Variants in PID1 observed in about 807,000 individuals in gnomAD.
PID1 encodes phosphotyrosine interaction domain containing 1.
PID1 carries 10 observed loss-of-function variants against 19.1 expected under a neutral mutation model. The ratio of observed to expected loss-of-function variants is 0.52; its 90% confidence interval spans 0.32 to 0.89. The LOEUF is 0.89. Ranked by LOEUF, PID1 falls within the 40% of genes least tolerant of loss-of-function variation. The pLI is 0.03. For missense variants in PID1, 248 were observed against 285.3 expected, an observed-to-expected ratio of 0.87 and a Z score of 0.94; for synonymous variants, 130 against 116.0, an observed-to-expected ratio of 1.12 and a Z score of -0.78.
At chr2:229,079,597 G>A (rs1011401922) in intron 2 of PID1, among the ~76,000 whole-genome samples, 4 of 152,194 alleles carry the variant, frequency 2.6e-5, no homozygotes, top group Admixed American at 2.0e-4. Context: ...CACTCAAGAC[G>A]TGCCAGGGAA....
At chr2:229,172,621 A>C (rs534683363) in intron 1 of PID1, among the ~76,000 whole-genome samples, 7 of 152,298 alleles carry the variant, frequency 4.6e-5, no homozygotes, top group African/African-American at 1.4e-4. Context: ...GGCCCACCCT[A>C]ATGATCTCAT....
At chr2:229,047,345 G>A (rs897314287) in intron 2 of PID1, among the ~76,000 whole-genome samples, 21 of 152,180 alleles carry the variant, frequency 1.4e-4, no homozygotes, top group African/African-American at 5.1e-4. Context: ...GGTCTGGACA[G>A]AAAGCCTAGT....
intron 2 of PID1, among the ~76,000 whole-genome samples, chr2:229,042,139 A>C (rs577598105): frequency 6.6e-6 from 1 of 152,356 alleles, no homozygotes; most frequent in East Asian, 1.9e-4. Context: ...TTTTGCTATC[A>C]AACAGTTCAA....
chr2:229,094,424 G>T (rs1197076362), intron 2 of PID1, among the ~76,000 whole-genome samples: 2 of 151,864 alleles, frequency 1.3e-5, no homozygotes, highest in African/African-American at 4.8e-5. Flanking sequence ...ATTTTTAACA[G>T]AATTAGGAAA....
chr2:229,270,750 C>A (rs1690713574), intron 1 of PID1, among the ~76,000 whole-genome samples: 1 of 151,920 alleles, frequency 6.6e-6, no homozygotes, highest in African/African-American at 2.4e-5. Flanking sequence ...AAAGTCCAAC[C>A]TTATATGTAC....
At position 229,102,671 on chromosome 2, in the gene PID1, C is replaced by T. The variant is rs146759805; in HGVS notation, c.177+53147G>A. ...GTGAGGGCTCATTCTCATCAAATCCCTCTGTCATCTTAATAGAACCCTCTA... is the reference window on the plus strand; with the variant it reads ...GTGAGGGCTCATTCTCATCAAATCCTTCTGTCATCTTAATAGAACCCTCTA... On this transcript the variant is annotated intron_variant, in intron 2 of 2. Transcript: ENST00000392055. 4.6e-3 allele frequency among the ~76,000 whole-genome samples: 699 copies of T among 152,288 alleles called. 7 individuals are homozygous for T. Among genetic ancestry groups the T allele is most frequent in the African/African-American group, 0.016 (664 of 41,560 alleles).
intron 1 of PID1, among the ~76,000 whole-genome samples, chr2:229,237,810 A>C (rs1689754751): frequency 6.6e-6 from 1 of 152,220 alleles, no homozygotes; most frequent in Non-Finnish European, 1.5e-5. Context: ...TAAATTCTCA[A>C]TTATTGAAGC....
At position 229,222,503 on chromosome 2, in the gene PID1, A is replaced by C. The variant is rs1161958286; in HGVS notation, c.30+48511T>G. Among the ~76,000 whole-genome samples the C allele has an allele frequency of 2.6e-5, 4 of 152,164 alleles. No individual in the cohort carries two copies. The East Asian group carries it at 7.7e-4, about 29-fold the overall frequency. On this transcript the variant is annotated intron_variant, in intron 1 of 2. Coordinates refer to ENST00000392055, the MANE Select transcript of PID1 (RefSeq NM_001100818.2). ...TACACAGACTGTAAGAGTTAATTTT[A>C]TGTGTCAACTTGACTGGACCACAGG... is the stretch of plus-strand genomic sequence containing the variant.
chr2:229,048,603 T>C (rs928120588), intron 2 of PID1, among the ~76,000 whole-genome samples: 3 of 152,130 alleles, frequency 2.0e-5, no homozygotes, highest in Non-Finnish European at 4.4e-5. Context: ...GGACTGAAAT[T>C]CCATCAGCTC....
chr2:229,190,526 G>T (rs1437265389), intron 1 of PID1, among the ~76,000 whole-genome samples: 1 of 152,228 alleles, frequency 6.6e-6, no homozygotes, highest in African/African-American at 2.4e-5. Flanking sequence ...GAGAGAGGAT[G>T]TGAACATTAA....
chr2:229,105,200 A>T (rs772677633), intron 2 of PID1, among the ~76,000 whole-genome samples: 13 of 152,182 alleles, frequency 8.5e-5, no homozygotes, highest in Admixed American at 3.3e-4. Context: ...ATAGGAAGGA[A>T]TTTCCATGAG....
intron 1 of PID1, among the ~76,000 whole-genome samples, chr2:229,253,674 A>G (rs115056385): frequency 7.8e-4 from 119 of 152,048 alleles, no homozygotes; most frequent in African/African-American, 2.8e-3. Flanking sequence ...GTACCCATAT[A>G]CAAGGACACT....
chr2:229,073,554 C>T (rs912047349), intron 2 of PID1, among the ~76,000 whole-genome samples: 5 of 152,140 alleles, frequency 3.3e-5, no homozygotes, highest in African/African-American at 7.2e-5. Flanking sequence ...CTATCCCCCA[C>T]GTATTTTGGG....
chr2:229,247,200 A>G (rs570559823), intron 1 of PID1, among the ~76,000 whole-genome samples: 1 of 152,206 alleles, frequency 6.6e-6, no homozygotes, highest in South Asian at 2.1e-4. Context: ...ATAAAGCAAA[A>G]GAACATTGGT....
intron 2 of PID1, among the ~76,000 whole-genome samples, chr2:229,106,790 C>A (rs1695186751): frequency 6.6e-6 from 1 of 152,174 alleles, no homozygotes; most frequent in Admixed American, 6.5e-5. Context: ...CAAACAGACT[C>A]AGACACCAGT....
At chr2:229,041,965 A>G (rs185028549) in intron 2 of PID1, among the ~76,000 whole-genome samples, 14 of 152,366 alleles carry the variant, frequency 9.2e-5, no homozygotes, top group African/African-American at 3.1e-4. Flanking sequence ...AGTTTGATAT[A>G]AAGTACAATA....
chr2:229,262,925 T>G, intron 1 of PID1: 11 of 1,438,976 alleles, frequency 7.6e-6, no homozygotes, highest in Non-Finnish European at 1.0e-5. Flanking sequence ...GGCTCTAGGG[T>G]TCACCCTAAT....
chr2:229,229,610 T>C (rs1013769375), intron 1 of PID1, among the ~76,000 whole-genome samples: 2 of 152,196 alleles, frequency 1.3e-5, no homozygotes, highest in African/African-American at 4.8e-5. Context: ...CACTCCAGCC[T>C]GAACAACAGA....
chr2:229,125,627 G>A (rs1274908736), intron 2 of PID1, among the ~76,000 whole-genome samples: 1 of 152,054 alleles, frequency 6.6e-6, no homozygotes, highest in Non-Finnish European at 1.5e-5. Flanking sequence ...CTCCCTCCTT[G>A]TCCTCCTGTG....
Sources: gnomAD v4.1 joint callset for allele counts (sites outside exome capture counted in the v4.1 genomes callset) on GRCh38, gnomAD v4.1.1 for gene constraint, MANE v1.5 for transcripts, NCBI Gene and HGNC (gene_info 2026-07-23, HGNC 2026-07-21) for gene names.